Variants in DPYD observed in about 807,000 individuals in gnomAD.
DPYD encodes dihydropyrimidine dehydrogenase [NADP(+)].
In DPYD, 109 loss-of-function variants were observed where a neutral mutation model predicts 116.2. The observed-to-expected ratio is 0.94, with a 90% CI of 0.80 to 1.10. The LOEUF (loss-of-function observed/expected upper bound fraction) is 1.10. Ranked by LOEUF, DPYD falls within the 50% of genes least tolerant of loss-of-function variation. DPYD has a pLI of 0.00. For synonymous variants in DPYD, 440 were observed against 432.0 expected, an observed-to-expected ratio of 1.02 and a Z score of -0.23; for missense variants, 1,302 against 1,254.5, an observed-to-expected ratio of 1.04 and a Z score of -0.57.
intron 14 of DPYD, among the ~76,000 whole-genome samples, chr1:97,401,158 G>C (rs1451842392): frequency 1.3e-5 from 2 of 151,968 alleles, no homozygotes; most frequent in Non-Finnish European, 2.9e-5. Context: ...TTTAAAATCT[G>C]GTTCGTTGTT....
chr1:97,658,425 T>C (rs1323251874), intron 8 of DPYD, among the ~76,000 whole-genome samples: 1 of 152,198 alleles, frequency 6.6e-6, no homozygotes, highest in African/African-American at 2.4e-5. Flanking sequence ...TTTGATTATA[T>C]GTACATAGGG....
rs745704371 is a variant in DPYD at position 97,593,266 on chromosome 1, G to C, written c.1080C>G (p.Phe360Leu). The C allele has an allele frequency of 1.9e-6, 3 of 1,613,996 alleles. No individual in the cohort carries two copies. The highest frequency in any genetic ancestry group is 2.5e-6 in the Non-Finnish European group (3 of 1,180,022). Reference protein sequence around the residue: ...SALRCGARRVFIVFRKGFVNI... With the variant: ...SALRCGARRVLIVFRKGFVNI... ...TAACAAAGCCTTTTCTGAAGACGAT[G>C]AACACACGGCGAGCTCCACAACGTA... Residue 360 changes from phenylalanine (F) to leucine (L), a missense_variant, in exon 10 of 23, where the codon TTC (phenylalanine) becomes TTG (leucine). Phe to Leu is a conservative substitution (Grantham distance 22). Coordinates refer to ENST00000370192, the MANE Select transcript of DPYD (RefSeq NM_000110.4).
At chr1:97,130,836 C>CTCCT (rs59350272) in intron 20 of DPYD, among the ~76,000 whole-genome samples, 2,812 of 64,508 alleles carry the variant, frequency 0.044, 63 homozygotes, top group African/African-American at 0.079. Flanking sequence ...TTTCTTCTTT[C>CTCCT]TCCTTCCTTC....
intron 18 of DPYD, among the ~76,000 whole-genome samples, chr1:97,251,372 A>G (rs768284305): frequency 2.8e-5 from 4 of 145,112 alleles, no homozygotes; most frequent in African/African-American, 5.3e-5. Context: ...AGCCTGGCCA[A>G]CAAGAGTGAA....
intron 8 of DPYD, among the ~76,000 whole-genome samples, chr1:97,608,287 T>C (rs1363324423): frequency 1.3e-5 from 2 of 152,062 alleles, no homozygotes; most frequent in Admixed American, 6.6e-5. Context: ...ATTTGTGTAA[T>C]ATTTGTTTGA....
At chr1:97,287,009 T>C (rs1293586276) in intron 18 of DPYD, among the ~76,000 whole-genome samples, 1 of 152,132 alleles carries the variant, frequency 6.6e-6, no homozygotes. Context: ...CTTTTTAGAG[T>C]TTCCAGTTTT....
chr1:97,729,508 C>T (rs943515200), intron 4 of DPYD, among the ~76,000 whole-genome samples: 10 of 151,898 alleles, frequency 6.6e-5, no homozygotes, highest in Admixed American at 5.3e-4. Context: ...AATGTTAATA[C>T]TGTGAGTTTA....
chr1:97,686,407 C>T (rs1354768205), intron 7 of DPYD, among the ~76,000 whole-genome samples: 2 of 151,768 alleles, frequency 1.3e-5, no homozygotes, highest in Admixed American at 6.6e-5. Context: ...GAGGCCGAGG[C>T]GGGCGGATCA....
At chr1:97,684,434 AGTGTTTTACTTCCAATTAT>A (rs1277322575) in intron 7 of DPYD, among the ~76,000 whole-genome samples, 4 of 152,090 alleles carry the variant, frequency 2.6e-5, no homozygotes, top group African/African-American at 9.7e-5. Flanking sequence ...TTTGCTGAGG[AGTGTTTTACTTCCAATTAT>A]GTGATCGATT....
chr1:97,527,356 C>T (rs188748972), intron 12 of DPYD, among the ~76,000 whole-genome samples: 56 of 152,118 alleles, frequency 3.7e-4, no homozygotes, highest in African/African-American at 1.3e-3. Flanking sequence ...GGATTACAGG[C>T]GTGAGCCACC....
intron 13 of DPYD, among the ~76,000 whole-genome samples, chr1:97,463,803 T>C (rs1488117325): frequency 6.6e-6 from 1 of 152,136 alleles, no homozygotes; most frequent in African/African-American, 2.4e-5. Flanking sequence ...GCCCTAGAGA[T>C]CTGTGGAACT....
At chr1:97,480,376 G>A (rs1678230675) in intron 13 of DPYD, among the ~76,000 whole-genome samples, 1 of 152,156 alleles carries the variant, frequency 6.6e-6, no homozygotes, top group Non-Finnish European at 1.5e-5. Flanking sequence ...TTGGAATTAT[G>A]TGTAAAAAAC....
chr1:97,097,074 C>A (rs1454601991), intron 21 of DPYD, among the ~76,000 whole-genome samples: 4 of 152,160 alleles, frequency 2.6e-5, no homozygotes, highest in Non-Finnish European at 4.4e-5. Flanking sequence ...CCTTCGCATT[C>A]CATTAGTGTT....
intron 1 of DPYD, among the ~76,000 whole-genome samples, chr1:97,895,151 TC>T (rs1672994469): frequency 6.6e-6 from 1 of 151,792 alleles, no homozygotes; most frequent in South Asian, 2.1e-4. Context: ...ATTGCCTGGC[TC>T]CTATGTAAAA....
chr1:97,537,216 T>C (rs1385087974), intron 12 of DPYD, among the ~76,000 whole-genome samples: 3 of 152,224 alleles, frequency 2.0e-5, no homozygotes, highest in African/African-American at 7.2e-5. Context: ...GCAGAAATCT[T>C]TAACACGAGG....
chr1:97,779,170 TA>T (rs1666587573), intron 3 of DPYD, among the ~76,000 whole-genome samples: 1 of 152,134 alleles, frequency 6.6e-6, no homozygotes, highest in South Asian at 2.1e-4. Context: ...CAAGGATTTT[TA>T]AATCCAAGAA....
At chr1:97,592,237 T>A (rs1180672645) in intron 10 of DPYD, among the ~76,000 whole-genome samples, 1 of 152,252 alleles carries the variant, frequency 6.6e-6, no homozygotes, top group Non-Finnish European at 1.5e-5. Context: ...AGAACTAATA[T>A]TCTTTATAAG....
At chr1:97,146,075 T>C (rs1557891684) in intron 20 of DPYD, among the ~76,000 whole-genome samples, 1 of 152,148 alleles carries the variant, frequency 6.6e-6, no homozygotes, top group Non-Finnish European at 1.5e-5. Flanking sequence ...CTTTGGGACT[T>C]GTTTTGTTGT....
intron 3 of DPYD, among the ~76,000 whole-genome samples, chr1:97,751,034 T>C (rs1449803858): frequency 1.3e-5 from 2 of 151,912 alleles, no homozygotes; most frequent in South Asian, 2.1e-4. Flanking sequence ...GAAACAATAG[T>C]GAAAAAAAGT....
Sources: gnomAD v4.1 joint callset for allele counts (sites outside exome capture counted in the v4.1 genomes callset) on GRCh38, gnomAD v4.1.1 for gene constraint, MANE v1.5 for transcripts, NCBI Gene and HGNC (gene_info 2026-07-23, HGNC 2026-07-21) for gene names.